BCL2: variants seen among roughly 807,000 people sequenced by gnomAD.
BCL2 encodes the protein apoptosis regulator Bcl-2.
In BCL2, 1 loss-of-function variant was observed where a neutral mutation model predicts 14.2. The observed-to-expected ratio is 0.07, with a 90% confidence interval of 0.02 to 0.33. BCL2 has a LOEUF of 0.33. Among genes scored for constraint, BCL2 ranks in the 10% least tolerant of loss-of-function variants. BCL2 has a pLI of 0.99. For synonymous variants in BCL2, 151 were observed against 137.2 expected (o/e 1.10, Z -0.70); for missense variants, 247 against 305.9 (o/e 0.81, Z 1.44).
At chr18:63,269,317 G>A (rs1425060863) in intron 2 of BCL2, among the ~76,000 whole-genome samples, 1 of 151,974 alleles carries the variant, frequency 6.6e-6, no homozygotes, top group African/African-American at 2.4e-5. Flanking sequence ...GGAAAGTTCG[G>A]TGTGCCAAGA....
chr18:63,303,655 C>A (rs1599301651), intron 2 of BCL2, among the ~76,000 whole-genome samples: 1 of 152,194 alleles, frequency 6.6e-6, no homozygotes, highest in African/African-American at 2.4e-5. Context: ...GTTTCCGCAT[C>A]TATAAATCCA....
intron 2 of BCL2, among the ~76,000 whole-genome samples, chr18:63,267,542 A>C (rs975637439): frequency 2.6e-5 from 4 of 152,208 alleles, no homozygotes; most frequent in African/African-American, 7.2e-5. Context: ...CACTGAGATA[A>C]GAAGATCAAG....
intron 2 of BCL2, among the ~76,000 whole-genome samples, chr18:63,305,960 A>AC: frequency 6.6e-6 from 1 of 152,102 alleles, no homozygotes; most frequent in Admixed American, 6.5e-5. Context: ...CTGTAGTCCC[A>AC]GCTACTCAGG....
intron 2 of BCL2, among the ~76,000 whole-genome samples, chr18:63,223,413 A>T (rs565657111): frequency 0.02 from 721 of 35,336 alleles, 12 homozygotes; most frequent in African/African-American, 0.035. Context: ...AAAAAAAAAT[A>T]AATAAAGAAG....
chr18:63,236,125 C>A (rs746794274), intron 2 of BCL2, among the ~76,000 whole-genome samples: 2 of 152,072 alleles, frequency 1.3e-5, no homozygotes, highest in Non-Finnish European at 2.9e-5. Context: ...ATGGGAGTTC[C>A]CCTGCACATG....
rs1472785591 is a variant in BCL2, at chr18:63,132,771, T to G, written c.586-4012A>C. On this transcript the variant is annotated intron_variant, in intron 2 of 2. Transcript: ENST00000333681. ...CGATTTCCGAAGTCTGTTTGAACAGTCTGTCATTATTTGTTTGAGTTTGAA... is the reference window on the plus strand; with the variant it reads ...CGATTTCCGAAGTCTGTTTGAACAGGCTGTCATTATTTGTTTGAGTTTGAA... Among the ~76,000 whole-genome samples, 4 of 152,196 alleles carry G rather than the reference T, an allele frequency of 2.6e-5. No individual in the cohort carries two copies. In the South Asian group the frequency reaches 8.3e-4, roughly 31 times the overall value.
chr18:63,282,329 C>A (rs768713746), intron 2 of BCL2, among the ~76,000 whole-genome samples: 1 of 152,204 alleles, frequency 6.6e-6, no homozygotes, highest in South Asian at 2.1e-4. Flanking sequence ...TTGTAACTAG[C>A]AGTTATTTCT....
At chr18:63,234,758 ATTTAC>A (rs1910776800) in intron 2 of BCL2, among the ~76,000 whole-genome samples, 1 of 152,228 alleles carries the variant, frequency 6.6e-6, no homozygotes, top group Non-Finnish European at 1.5e-5. Context: ...ACCTTAGTCA[ATTTAC>A]TTAAACTCTC....
chr18:63,241,971 G>T (rs183868888), intron 2 of BCL2, among the ~76,000 whole-genome samples: 1 of 152,328 alleles, frequency 6.6e-6, no homozygotes, highest in East Asian at 1.9e-4. Context: ...TCCTTTCCAA[G>T]GTATGAGGAA....
chr18:63,206,538 G>A lies in BCL2; in HGVS notation c.586-77779C>T, dbSNP rs185318720. On this transcript the variant is annotated intron_variant, in intron 2 of 2. Transcript: ENST00000333681. ...TCCCTAATTAAGGGCAGTGGGAGACGCTCCACATTTGGAGTCCCTGTGAGG... is the reference window on the plus strand; with the variant it reads ...TCCCTAATTAAGGGCAGTGGGAGACACTCCACATTTGGAGTCCCTGTGAGG... Among the ~76,000 whole-genome samples the A allele has an allele frequency of 2.6e-5, 4 of 152,306 alleles. No homozygotes were observed. In the East Asian group the frequency reaches 5.8e-4, roughly 22 times the overall value.
At chr18:63,180,693 C>A (rs1233887957) in intron 2 of BCL2, among the ~76,000 whole-genome samples, 1 of 152,226 alleles carries the variant, frequency 6.6e-6, no homozygotes, top group Non-Finnish European at 1.5e-5. Flanking sequence ...GGGTCTCCAG[C>A]CAATGCTCCT....
At chr18:63,314,091 A>G (rs1388762668) in intron 2 of BCL2, 1 of 152,224 alleles carries the variant, frequency 6.6e-6, no homozygotes, top group Non-Finnish European at 1.5e-5. Context: ...TGAAAACTCT[A>G]TGAGAAATAG....
At chr18:63,202,808 C>A (rs543473824) in intron 2 of BCL2, among the ~76,000 whole-genome samples, 1 of 152,342 alleles carries the variant, frequency 6.6e-6, no homozygotes, top group South Asian at 2.1e-4. Flanking sequence ...GTGTCTTGTG[C>A]AGCCATGGTT....
chr18:63,297,767 C>G (rs574437526), intron 2 of BCL2, among the ~76,000 whole-genome samples: 1 of 152,272 alleles, frequency 6.6e-6, no homozygotes, highest in Non-Finnish European at 1.5e-5. Flanking sequence ...AAGGGAAAGC[C>G]GCTGCTCATA....
At chr18:63,139,681 G>C (rs1181013517) in intron 2 of BCL2, among the ~76,000 whole-genome samples, 1 of 152,124 alleles carries the variant, frequency 6.6e-6, no homozygotes, top group Non-Finnish European at 1.5e-5. Context: ...TATACACACA[G>C]GCCTCAGTCA....
Position 63,212,453 on chromosome 18 carries a change from C to T in BCL2, c.586-83694G>A, listed in dbSNP as rs17757541. 1.3e-4 allele frequency among the ~76,000 whole-genome samples: 19 copies of T among 151,696 alleles called. 1 individual carries two copies. Among genetic ancestry groups the T allele is most frequent in the Admixed American group, 4.0e-4 (6 of 15,188 alleles). ...GAAATTATGATGCATTTAACAGCCA[C>T]GTGAAGTAGACAGTCTCATTTTAGA... On this transcript the variant is annotated intron_variant, in intron 2 of 2. Transcript: ENST00000333681.
intron 2 of BCL2, among the ~76,000 whole-genome samples, chr18:63,249,571 A>C (rs1326382126): frequency 6.6e-6 from 1 of 152,030 alleles, no homozygotes; most frequent in Non-Finnish European, 1.5e-5. Flanking sequence ...TTAGCTGGGC[A>C]TGGTGGTGCG....
intron 2 of BCL2, among the ~76,000 whole-genome samples, chr18:63,303,894 G>C (rs547013373): frequency 3.9e-5 from 6 of 152,158 alleles, no homozygotes; most frequent in Non-Finnish European, 8.8e-5. Flanking sequence ...GCCAAAAATA[G>C]TAAAAGTCTC....
chr18:63,299,174 G>A (rs1912885972), intron 2 of BCL2, among the ~76,000 whole-genome samples: 1 of 152,262 alleles, frequency 6.6e-6, no homozygotes, highest in African/African-American at 2.4e-5. Flanking sequence ...CTTTATCACT[G>A]TTGTGAGTAT....
Sources: allele counts gnomAD v4.1 joint callset (sites outside exome capture counted in the v4.1 genomes callset), GRCh38; gene constraint gnomAD v4.1.1; transcripts MANE v1.5; gene names NCBI Gene and HGNC (gene_info 2026-07-23, HGNC 2026-07-21).